Variants in SGMS2 observed in about 807,000 individuals in gnomAD.
The protein encoded by SGMS2 is phosphatidylcholine:ceramide cholinephosphotransferase 2.
SGMS2 carries 21 observed loss-of-function variants against 43.8 expected under a neutral mutation model. The observed-to-expected ratio is 0.48, with a 90% CI of 0.34 to 0.69. SGMS2 has a LOEUF of 0.69. Among genes scored for constraint, SGMS2 ranks in the 30% least tolerant of loss-of-function variants. The pLI is 0.01. For synonymous variants in SGMS2, 167 were observed against 160.6 expected (o/e 1.04, Z -0.30); for missense variants, 384 against 443.2 (o/e 0.87, Z 1.20).
chr4:107,885,942 T>C (rs1484858425), intron 2 of SGMS2, among the ~76,000 whole-genome samples: 2 of 152,186 alleles, frequency 1.3e-5, no homozygotes, highest in Non-Finnish European at 2.9e-5. Flanking sequence ...AGGAAAGCTG[T>C]AAAAATTAGC....
intron 1 of SGMS2, among the ~76,000 whole-genome samples, chr4:107,841,542 C>CT (rs1257131795): frequency 6.6e-6 from 1 of 152,044 alleles, no homozygotes; most frequent in Non-Finnish European, 1.5e-5. Context: ...TTCAGTTGAA[C>CT]TTTAAGTCCC....
chr4:107,895,874 G>A lies in SGMS2; in HGVS notation c.321G>A (p.Lys107=). The A allele has an allele frequency of 6.2e-7, 1 of 1,613,936 alleles. No individual in the cohort carries two copies. The highest frequency in any genetic ancestry group is 8.5e-7 in the Non-Finnish European group (1 of 1,179,934). The change falls in exon 3 of 7, where the codon AAG becomes AAA. Residue 107 remains lysine (K), a synonymous_variant. Coordinates refer to ENST00000690982, the MANE Select transcript of SGMS2 (RefSeq NM_001375905.1). ...ITVVHERVPP[K]ELSPPLPDKF... is the part of the protein sequence containing the mutation. ...TTGTACATGAGAGGGTCCCTCCCAA[G>A]GAGCTTAGCCCTCCACTCCCAGACA...
intron 2 of SGMS2, among the ~76,000 whole-genome samples, chr4:107,859,553 T>A (rs1727612847): frequency 6.6e-6 from 1 of 152,220 alleles, no homozygotes; most frequent in Non-Finnish European, 1.5e-5. Flanking sequence ...TGTCTGGTGG[T>A]GTCTGTCTCA....
intron 2 of SGMS2, among the ~76,000 whole-genome samples, chr4:107,872,996 A>G (rs1185466219): frequency 1.3e-5 from 2 of 152,236 alleles, no homozygotes; most frequent in African/African-American, 2.4e-5. Context: ...TCTAAAGCTC[A>G]TCATATATTT....
At chr4:107,890,419 A>C (rs1287716867) in intron 2 of SGMS2, among the ~76,000 whole-genome samples, 2 of 152,304 alleles carry the variant, frequency 1.3e-5, no homozygotes, top group Middle Eastern at 3.4e-3. Context: ...TCACATCTAT[A>C]ATCCCAGCAC....
chr4:107,836,053 A>C (rs1346401614), intron 1 of SGMS2, among the ~76,000 whole-genome samples: 2 of 152,246 alleles, frequency 1.3e-5, no homozygotes, highest in Non-Finnish European at 2.9e-5. Flanking sequence ...TAGTATACCA[A>C]AATATTATAT....
At chr4:107,862,943 G>A (rs966725732) in intron 2 of SGMS2, among the ~76,000 whole-genome samples, 1 of 152,176 alleles carries the variant, frequency 6.6e-6, no homozygotes, top group Admixed American at 6.5e-5. Context: ...ACATTTGCAT[G>A]TGCCCTGAGG....
chr4:107,884,664 A>G (rs1578608522), intron 2 of SGMS2, among the ~76,000 whole-genome samples: 1 of 152,196 alleles, frequency 6.6e-6, no homozygotes, highest in Admixed American at 6.5e-5. Flanking sequence ...GAGGCTAATC[A>G]GAAACCCAAA....
At chr4:107,866,956 T>C (rs756713822) in intron 2 of SGMS2, 1 of 152,200 alleles carries the variant, frequency 6.6e-6, no homozygotes, top group Non-Finnish European at 1.5e-5. Context: ...GAGAGATTCT[T>C]GGATTCTTGT....
chr4:107,838,635 A>T (rs1182372157), intron 1 of SGMS2, among the ~76,000 whole-genome samples: 1 of 151,914 alleles, frequency 6.6e-6, no homozygotes, highest in East Asian at 1.9e-4. Context: ...TTGTCACTCC[A>T]CTACTATATT....
chr4:107,839,690 T>C (rs750594458), intron 1 of SGMS2, among the ~76,000 whole-genome samples: 3 of 152,172 alleles, frequency 2.0e-5, no homozygotes, highest in African/African-American at 7.2e-5. Flanking sequence ...TCTGATCTTA[T>C]TGGAGATTAA....
At chr4:107,847,180 T>G (rs1271512034) in intron 1 of SGMS2, among the ~76,000 whole-genome samples, 2 of 151,796 alleles carry the variant, frequency 1.3e-5, no homozygotes, top group Non-Finnish European at 3.0e-5. Context: ...AGACATGAAG[T>G]CCTTGCCCAT....
chr4:107,907,550 G>T (rs1288931483), intron 5 of SGMS2, among the ~76,000 whole-genome samples: 2 of 152,190 alleles, frequency 1.3e-5, no homozygotes, highest in Admixed American at 6.5e-5. Context: ...GACAGAGGTT[G>T]CAGTGAGCCA....
intron 2 of SGMS2, among the ~76,000 whole-genome samples, chr4:107,885,707 A>G (rs1159414158): frequency 6.6e-6 from 1 of 152,212 alleles, no homozygotes; most frequent in Non-Finnish European, 1.5e-5. Flanking sequence ...GCAGAAAAGA[A>G]TATATATGTG....
Position 107,903,306 on chromosome 4 carries a change from G to T in SGMS2, c.647G>T (p.Gly216Val). Residue 216 changes from glycine to valine, a missense_variant, in exon 5 of 7, where the codon GGA becomes GTA. Physicochemically the swap from Gly to Val is moderately radical, Grantham distance 109 (BLOSUM62 -3). Transcript: ENST00000690982. ...TCTGGTGGTGGATTGTCCATAACTG[G>T]ATCACATATCTTATGTGGAGACTTC... ...LISGGGLSIT[G>V]SHILCGDFLF... 2 of 1,613,852 alleles carry T rather than the reference G, an allele frequency of 1.2e-6. No individual in the cohort carries two copies. The highest frequency in any genetic ancestry group is 2.7e-5 in the African/African-American group (2 of 75,018).
intron 1 of SGMS2, among the ~76,000 whole-genome samples, chr4:107,847,901 A>G (rs1726923471): frequency 6.6e-6 from 1 of 152,174 alleles, no homozygotes; most frequent in African/African-American, 2.4e-5. Context: ...TACACTTTGT[A>G]CAGTTAAGGA....
intron 2 of SGMS2, chr4:107,886,764 T>G (rs1045315504): frequency 4.6e-5 from 7 of 152,218 alleles, no homozygotes; most frequent in African/African-American, 1.7e-4. Flanking sequence ...TTTGATTCTT[T>G]AAAGGAAAGC....
chr4:107,895,249 T>G, intron 2 of SGMS2, 61 bp from the exon 3 acceptor site: 1 of 302,738 alleles, frequency 3.3e-6, no homozygotes. Context: ...AATGTTTCTG[T>G]TTTGGATGGT....
chr4:107,857,362 T>TG (rs1324982894), intron 1 of SGMS2, among the ~76,000 whole-genome samples: 3 of 151,868 alleles, frequency 2.0e-5, no homozygotes, highest in East Asian at 1.9e-4. Flanking sequence ...TTTCATTTTT[T>TG]TGGGGGGTAT....
Sources: allele counts gnomAD v4.1 joint callset (sites outside exome capture counted in the v4.1 genomes callset), GRCh38; gene constraint gnomAD v4.1.1; transcripts MANE v1.5; gene names NCBI Gene and HGNC (gene_info 2026-07-23, HGNC 2026-07-21).